Variants in XYLT1 observed in about 807,000 individuals in gnomAD.
XYLT1 encodes beta-D-xylosyltransferase 1.
XYLT1 carries 36 observed loss-of-function variants against 91.3 expected under a neutral mutation model. That is an observed-to-expected ratio of 0.39 (90% CI 0.30 to 0.52). The LOEUF (loss-of-function observed/expected upper bound fraction) is 0.52. XYLT1 is among the 20% of genes least tolerant of loss of function. The pLI is 0.68. For synonymous variants in XYLT1, 588 were observed against 532.0 expected (o/e 1.11, Z -1.45); for missense variants, 1,242 against 1,284.5 (o/e 0.97, Z 0.51).
intron 1 of XYLT1, among the ~76,000 whole-genome samples, chr16:17,463,617 T>C (rs1312941709): frequency 2.6e-5 from 4 of 152,366 alleles, no homozygotes; most frequent in South Asian, 4.1e-4. Context: ...CATACACTGT[T>C]GGTGGGAATG....
At chr16:17,294,423 C>A (rs1461127369) in intron 2 of XYLT1, among the ~76,000 whole-genome samples, 1 of 152,158 alleles carries the variant, frequency 6.6e-6, no homozygotes, top group South Asian at 2.1e-4. Flanking sequence ...GTGCGCATAA[C>A]TAAACACTAT....
In XYLT1 at chr16:17,252,636, A is replaced by G. The variant is rs765140991; in HGVS notation, c.913+6352T>C. Among the ~76,000 whole-genome samples, 5 of 152,304 alleles carry G rather than the reference A, an allele frequency of 3.3e-5. No homozygotes were observed. The South Asian group carries it at 6.2e-4, about 19-fold the overall frequency. ...CCTTTTCTCTGGAAAGTAAAGGAGAAAAGTCCCGAGAGCAAGGAATGTCTC... is the reference window on the plus strand; with the variant it reads ...CCTTTTCTCTGGAAAGTAAAGGAGAGAAGTCCCGAGAGCAAGGAATGTCTC... On this transcript the variant is annotated intron_variant, in intron 3 of 11. Coordinates refer to ENST00000261381, the MANE Select transcript of XYLT1 (RefSeq NM_022166.4).
At chr16:17,282,262 AG>A (rs1252513439) in intron 2 of XYLT1, among the ~76,000 whole-genome samples, 3 of 152,092 alleles carry the variant, frequency 2.0e-5, no homozygotes, top group African/African-American at 7.2e-5. Context: ...CCCTCACCCC[AG>A]CCCCCGACTT....
chr16:17,388,588 C>T (rs868467779), intron 1 of XYLT1, among the ~76,000 whole-genome samples: 9 of 151,994 alleles, frequency 5.9e-5, no homozygotes, highest in African/African-American at 1.5e-4. Context: ...AAAACTAATC[C>T]GGATTAAGTA....
At chr16:17,191,241 G>A (rs1482848422) in intron 5 of XYLT1, among the ~76,000 whole-genome samples, 1 of 152,226 alleles carries the variant, frequency 6.6e-6, no homozygotes, top group African/African-American at 2.4e-5. Context: ...TGTACGAAGT[G>A]CTACATATAC....
intron 2 of XYLT1, among the ~76,000 whole-genome samples, chr16:17,269,515 T>C (rs555658090): frequency 1.3e-5 from 2 of 152,234 alleles, no homozygotes. Flanking sequence ...CAAGGCAACA[T>C]CCCTGGGATG....
intron 2 of XYLT1, among the ~76,000 whole-genome samples, chr16:17,298,074 G>C (rs1318273292): frequency 6.6e-6 from 1 of 151,936 alleles, no homozygotes; most frequent in Non-Finnish European, 1.5e-5. Flanking sequence ...GAGCTATCAC[G>C]GCTCCATTCT....
At chr16:17,222,399 C>T (rs7184512) in intron 3 of XYLT1, among the ~76,000 whole-genome samples, 1,567 of 152,242 alleles carry the variant, frequency 0.01, 29 homozygotes, top group African/African-American at 0.035. Context: ...ACGGCCCCCA[C>T]AGAAGGGATT....
chr16:17,178,622 G>A (rs911798530), intron 5 of XYLT1, among the ~76,000 whole-genome samples: 2 of 152,148 alleles, frequency 1.3e-5, no homozygotes, highest in African/African-American at 2.4e-5. Context: ...CCTGCCACCT[G>A]TTTTTAGAAA....
chr16:17,405,957 G>A (rs1209886135), intron 1 of XYLT1, among the ~76,000 whole-genome samples: 1 of 152,144 alleles, frequency 6.6e-6, no homozygotes, highest in African/African-American at 2.4e-5. Flanking sequence ...GGCTGAGGTG[G>A]GTGGATCACT....
Position 17,426,723 on chromosome 16 carries a change from C to G in XYLT1, c.363+43711G>C, listed in dbSNP as rs1293712215. On this transcript the variant is annotated intron_variant, in intron 1 of 11. Transcript: ENST00000261381. ...CTGCTTTTGCCCAACAATGGCAGAG[C>G]TGAGTAGGTTTAACAGAGACCCTAT... 2.6e-5 allele frequency among the ~76,000 whole-genome samples: 4 copies of G among 152,152 alleles called. No homozygotes were observed. In the East Asian group the frequency reaches 7.7e-4, roughly 29 times the overall value.
chr16:17,189,580 A>G (rs2141577785), intron 5 of XYLT1, among the ~76,000 whole-genome samples: 1 of 152,366 alleles, frequency 6.6e-6, no homozygotes, highest in South Asian at 2.1e-4. Context: ...ATATTGACTG[A>G]TAATTGGATA....
chr16:17,445,485 A>T (rs2036580390), intron 1 of XYLT1, among the ~76,000 whole-genome samples: 1 of 152,200 alleles, frequency 6.6e-6, no homozygotes, highest in Admixed American at 6.5e-5. Context: ...CCAGAAAGGA[A>T]GGCTGGGAGC....
At chr16:17,459,199 C>G (rs2036783184) in intron 1 of XYLT1, among the ~76,000 whole-genome samples, 1 of 151,864 alleles carries the variant, frequency 6.6e-6, no homozygotes, top group Admixed American at 6.6e-5. Context: ...TAGCAAAACC[C>G]CACCTCTTCA....
chr16:17,339,827 CCTTCCTT>C (rs2035039645), intron 2 of XYLT1, among the ~76,000 whole-genome samples: 1 of 149,868 alleles, frequency 6.7e-6, no homozygotes, highest in Admixed American at 6.6e-5. Flanking sequence ...TTTTTTCCCT[CCTTCCTT>C]CTTCCTTCCT....
At chr16:17,186,032 G>A (rs914826531) in intron 5 of XYLT1, among the ~76,000 whole-genome samples, 28 of 152,194 alleles carry the variant, frequency 1.8e-4, no homozygotes, top group African/African-American at 6.8e-4. Context: ...CAGAGAGAGA[G>A]AGAGAAATTG....
At chr16:17,252,127 A>G (rs1448904778) in intron 3 of XYLT1, among the ~76,000 whole-genome samples, 5 of 101,580 alleles carry the variant, frequency 4.9e-5, no homozygotes, top group Non-Finnish European at 8.5e-5. Flanking sequence ...GTAATTGCAG[A>G]AAAAAAAAAG....
At chr16:17,358,145 T>TA (rs1446970280) in intron 1 of XYLT1, 95 bp from the exon 2 acceptor site, 37 of 1,184,620 alleles carry the variant, frequency 3.1e-5, no homozygotes, top group Non-Finnish European at 4.0e-5. Flanking sequence ...TTTTTTTTTT[T>TA]AAGAGACAGG....
chr16:17,413,964 TC>T (rs993529058), intron 1 of XYLT1, among the ~76,000 whole-genome samples: 5 of 152,134 alleles, frequency 3.3e-5, no homozygotes, highest in African/African-American at 1.2e-4. Flanking sequence ...TAGAGACCCC[TC>T]TAGAGCCCAA....
Sources: gnomAD v4.1 joint callset for allele counts (sites outside exome capture counted in the v4.1 genomes callset) on GRCh38, gnomAD v4.1.1 for gene constraint, MANE v1.5 for transcripts, NCBI Gene and HGNC (gene_info 2026-07-23, HGNC 2026-07-21) for gene names.